Variants in TENM3 observed in about 807,000 individuals in gnomAD.
TENM3 encodes teneurin-3.
In TENM3, 63 loss-of-function variants were observed where a neutral mutation model predicts 255.1. The ratio of observed to expected loss-of-function variants is 0.25; its 90% CI spans 0.20 to 0.30. The LOEUF is 0.30. TENM3 is among the 10% of genes least tolerant of loss of function. TENM3 has a pLI of 1.00. For missense variants in TENM3, 2,929 were observed against 3,461.1 expected (o/e 0.85, Z 3.86); for synonymous variants, 1,306 against 1,322.3 (o/e 0.99, Z 0.27).
At chr4:182,470,327 T>C (rs1202938615) in intron 3 of TENM3, among the ~76,000 whole-genome samples, 2 of 152,224 alleles carry the variant, frequency 1.3e-5, no homozygotes, top group East Asian at 1.9e-4. Context: ...TTTCTCACAA[T>C]ATCTTAGTTT....
chr4:182,540,597 T>A (rs543074388), intron 3 of TENM3, among the ~76,000 whole-genome samples: 80 of 151,656 alleles, frequency 5.3e-4, no homozygotes, highest in African/African-American at 1.6e-3. Context: ...AAAAAAAAAA[T>A]TTTTCACTTA....
the TENM3 span, among the ~76,000 whole-genome samples, chr4:182,000,696 T>C: frequency 6.6e-6 from 1 of 152,150 alleles, no homozygotes. Flanking sequence ...ACAATGTATT[T>C]TGAGACTCTA....
chr4:182,687,382 T>C (rs1756664313), intron 11 of TENM3, among the ~76,000 whole-genome samples: 1 of 152,184 alleles, frequency 6.6e-6, no homozygotes. Context: ...TTAAAATTTT[T>C]TTTCTTACAC....
the TENM3 span, among the ~76,000 whole-genome samples, chr4:181,457,649 A>G: frequency 6.6e-6 from 1 of 151,872 alleles, no homozygotes; most frequent in Non-Finnish European, 1.5e-5. Flanking sequence ...CTCTAGGAAG[A>G]CATGGTAGAT....
At chr4:181,529,063 T>G in the TENM3 span, among the ~76,000 whole-genome samples, 1 of 152,234 alleles carries the variant, frequency 6.6e-6, no homozygotes, top group Admixed American at 6.5e-5. Context: ...CAGTGGAGAT[T>G]ATTGAACCCA....
chr4:181,761,043 T>C, the TENM3 span, among the ~76,000 whole-genome samples: 191 of 151,282 alleles, frequency 1.3e-3, no homozygotes, highest in Non-Finnish European at 2.3e-3. Context: ...AAGTCTGTTC[T>C]ATAAATTATC....
At chr4:181,919,288 A>G in the TENM3 span, among the ~76,000 whole-genome samples, 22 of 151,996 alleles carry the variant, frequency 1.4e-4, no homozygotes, top group Non-Finnish European at 2.6e-4. Context: ...CCAGCACCAA[A>G]GTGGTGGCCA....
chr4:182,751,977 G>C lies in TENM3; in HGVS notation c.3807G>C (p.Glu1269Asp). 6.2e-7 allele frequency: 1 copy of C among 1,613,566 alleles called. No homozygotes were observed. The highest frequency in any genetic ancestry group is 8.5e-7 in the Non-Finnish European group (1 of 1,179,788). Residue 1269 changes from glutamate to aspartate, a missense_variant, in exon 20 of 28, where the codon GAG becomes GAC. By Grantham distance (45) the Glu-to-Asp change is conservative. This residue lies in a region of TENM3 where 1,608 missense variants were observed against 1,884.4 expected (regional missense o/e 0.85). Transcript: ENST00000511685. ...GGGAGCAATGCCTTCCGTTTGACGA[G>C]GCGAGATGTGGGGATGGAGGGAAGG... ...GTGEQCLPFD[E>D]ARCGDGGKAV...
the TENM3 span, among the ~76,000 whole-genome samples, chr4:181,609,077 A>G: frequency 0.11 from 16,360 of 152,032 alleles, 961 homozygotes; most frequent in South Asian, 0.19. Context: ...CAAAAGGAAG[A>G]CAGGAAAGGA....
intron 3 of TENM3, among the ~76,000 whole-genome samples, chr4:182,376,775 T>C (rs1419868127): frequency 6.6e-6 from 1 of 152,134 alleles, no homozygotes; most frequent in Non-Finnish European, 1.5e-5. Context: ...AAATTACTTT[T>C]TTTTTCCTGT....
chr4:181,555,255 C>T, the TENM3 span, among the ~76,000 whole-genome samples: 176 of 152,254 alleles, frequency 1.2e-3, no homozygotes, highest in Admixed American at 9.3e-3. Context: ...TATAGAGGTT[C>T]GCAGACTGGT....
chr4:181,580,182 G>C, the TENM3 span, among the ~76,000 whole-genome samples: 1 of 151,874 alleles, frequency 6.6e-6, no homozygotes, highest in South Asian at 2.1e-4. Flanking sequence ...ATTTTTAGTA[G>C]AGACAGGGTT....
chr4:182,262,956 G>T (rs1345541231), intron 1 of TENM3, among the ~76,000 whole-genome samples: 4 of 151,924 alleles, frequency 2.6e-5, no homozygotes, highest in African/African-American at 4.8e-5. Context: ...CTCGTGATCC[G>T]CCTGCCTCGG....
chr4:181,912,136 C>T, the TENM3 span, among the ~76,000 whole-genome samples: 1 of 152,152 alleles, frequency 6.6e-6, no homozygotes, highest in Non-Finnish European at 1.5e-5. Flanking sequence ...ATTTTAAGCA[C>T]TGGACTGATC....
At chr4:182,290,558 G>A (rs879494117) in intron 1 of TENM3, among the ~76,000 whole-genome samples, 6 of 151,826 alleles carry the variant, frequency 4.0e-5, no homozygotes, top group Non-Finnish European at 7.4e-5. Flanking sequence ...GCAGGAGTGC[G>A]GTGGCACAAT....
At chr4:181,854,765 T>C in the TENM3 span, among the ~76,000 whole-genome samples, 4 of 152,222 alleles carry the variant, frequency 2.6e-5, no homozygotes, top group African/African-American at 9.7e-5. Flanking sequence ...ACTTTTTAAA[T>C]TGGTCATCAT....
At chr4:182,630,729 G>A (rs1426803199) in intron 5 of TENM3, among the ~76,000 whole-genome samples, 2 of 151,218 alleles carry the variant, frequency 1.3e-5, no homozygotes, top group South Asian at 2.1e-4. Flanking sequence ...ATATGTGTTT[G>A]TTGGGGATTT....
intron 1 of TENM3, among the ~76,000 whole-genome samples, chr4:182,208,355 C>A (rs2149871817): frequency 6.6e-6 from 1 of 152,276 alleles, no homozygotes; most frequent in South Asian, 2.1e-4. Flanking sequence ...TCAAGAGCAA[C>A]AATTACTTCT....
At chr4:182,212,608 T>A (rs1029480394) in intron 1 of TENM3, among the ~76,000 whole-genome samples, 1 of 152,220 alleles carries the variant, frequency 6.6e-6, no homozygotes, top group Non-Finnish European at 1.5e-5. Context: ...AATAGATTGC[T>A]TACATAAAAT....
Sources: gnomAD v4.1 joint callset for allele counts (sites outside exome capture counted in the v4.1 genomes callset) on GRCh38, gnomAD v4.1.1 for gene constraint, gnomAD v4.1.1 regional missense constraint, MANE v1.5 for transcripts, NCBI Gene and HGNC (gene_info 2026-07-23, HGNC 2026-07-21) for gene names.